Variants in SEPTIN10 observed in about 807,000 individuals in gnomAD.
The protein encoded by SEPTIN10 is septin 10.
SEPTIN10 carries 66 observed loss-of-function variants against 54.8 expected under a neutral mutation model. The ratio of observed to expected loss-of-function variants is 1.21; its 90% CI spans 0.99 to 1.48. The LOEUF is 1.48. SEPTIN10 is among the 40% of genes most tolerant of loss of function. SEPTIN10 has a pLI of 0.00. For missense variants in SEPTIN10, 620 were observed against 545.6 expected, an observed-to-expected ratio of 1.14 and a Z score of -1.36; for synonymous variants, 161 against 181.0, an observed-to-expected ratio of 0.89 and a Z score of 0.89.
At chr2:109,596,522 C>A (rs1044930448) in intron 1 of SEPTIN10, among the ~76,000 whole-genome samples, 7 of 151,744 alleles carry the variant, frequency 4.6e-5, no homozygotes, top group African/African-American at 7.3e-5. Context: ...GAGGCTGAGG[C>A]AGGAGAATGG....
intron 10 of SEPTIN10, chr2:109,545,837 C>T: frequency 1.4e-6 from 2 of 1,435,146 alleles, no homozygotes; most frequent in Non-Finnish European, 1.8e-6. Flanking sequence ...TTGGCAAATA[C>T]TGAACACATA....
chr2:109,575,298 A>G (rs985669912), intron 4 of SEPTIN10, among the ~76,000 whole-genome samples: 2 of 152,252 alleles, frequency 1.3e-5, no homozygotes, highest in African/African-American at 2.4e-5. Context: ...ATAGGCATCA[A>G]TAACTCAAAA....
At chr2:109,581,248 T>C (rs1341326575) in intron 4 of SEPTIN10, among the ~76,000 whole-genome samples, 1 of 152,136 alleles carries the variant, frequency 6.6e-6, no homozygotes. Context: ...AACACCAGCC[T>C]GACCAACATG....
chr2:109,572,656 G>A (rs995930740), intron 5 of SEPTIN10, among the ~76,000 whole-genome samples: 19 of 129,868 alleles, frequency 1.5e-4, no homozygotes, highest in Non-Finnish European at 1.5e-4. Context: ...TCGCTCTGTC[G>A]CCCAGGCTGG....
intron 1 of SEPTIN10, among the ~76,000 whole-genome samples, chr2:109,604,353 G>A (rs1573855524): frequency 1.1e-5 from 1 of 92,258 alleles, no homozygotes; most frequent in African/African-American, 4.8e-5. Flanking sequence ...AAGAAAGAAA[G>A]AAAAAGAAAG....
intron 1 of SEPTIN10, chr2:109,594,723 G>GCATGCACACACGCA (rs962689437): frequency 2.0e-5 from 3 of 152,190 alleles, no homozygotes; most frequent in East Asian, 1.9e-4. Flanking sequence ...GCACGCATGC[G>GCATGCACACACGCA]CATGCACACA....
intron 1 of SEPTIN10, among the ~76,000 whole-genome samples, chr2:109,598,036 T>C (rs892926321): frequency 6.6e-6 from 1 of 152,150 alleles, no homozygotes. Context: ...GGAAACAGAA[T>C]CCTGACTTAG....
intron 9 of SEPTIN10, among the ~76,000 whole-genome samples, chr2:109,550,687 A>C (rs758503209): frequency 5.3e-5 from 8 of 152,168 alleles, no homozygotes; most frequent in Non-Finnish European, 8.8e-5. Flanking sequence ...ACTTCCATCT[A>C]AACTCTGTGT....
chr2:109,608,827 T>C (rs569643724), intron 1 of SEPTIN10, among the ~76,000 whole-genome samples: 20 of 152,358 alleles, frequency 1.3e-4, no homozygotes, highest in Admixed American at 5.2e-4. Flanking sequence ...TTCCAGATAT[T>C]ATCAGAAGAA....
intron 2 of SEPTIN10, among the ~76,000 whole-genome samples, chr2:109,591,637 C>T (rs968797052): frequency 2.6e-5 from 4 of 152,222 alleles, no homozygotes; most frequent in Admixed American, 6.5e-5. Context: ...TGGCTCACGT[C>T]TGTAATCCAA....
At chr2:109,557,412 A>G (rs1020578053) in intron 8 of SEPTIN10, among the ~76,000 whole-genome samples, 2 of 152,208 alleles carry the variant, frequency 1.3e-5, no homozygotes, top group Admixed American at 1.3e-4. Context: ...AAGCCCTGAC[A>G]TTCTAAATAA....
At chr2:109,590,187 G>A (rs1290557687) in intron 2 of SEPTIN10, among the ~76,000 whole-genome samples, 2 of 151,896 alleles carry the variant, frequency 1.3e-5, no homozygotes, top group Non-Finnish European at 2.9e-5. Context: ...CCAGTCAGCA[G>A]TAGACTTACA....
chr2:109,582,802 A>C (rs1292427397), intron 4 of SEPTIN10, among the ~76,000 whole-genome samples: 2 of 152,262 alleles, frequency 1.3e-5, no homozygotes, highest in Non-Finnish European at 2.9e-5. Flanking sequence ...AGTAACCAAG[A>C]CAGCATGGTT....
intron 4 of SEPTIN10, among the ~76,000 whole-genome samples, chr2:109,581,809 T>C (rs898634072): frequency 1.3e-5 from 2 of 152,068 alleles, no homozygotes; most frequent in Admixed American, 1.3e-4. Flanking sequence ...ACACAGTACT[T>C]GAAAGTCCTG....
chr2:109,612,674 T>A (rs950760784), intron 1 of SEPTIN10, among the ~76,000 whole-genome samples: 4 of 152,196 alleles, frequency 2.6e-5, no homozygotes, highest in Non-Finnish European at 5.9e-5. Flanking sequence ...AAAGAATTTA[T>A]AAAACACATT....
chr2:109,591,079 A>G (rs1218236717), intron 2 of SEPTIN10, among the ~76,000 whole-genome samples: 1 of 152,240 alleles, frequency 6.6e-6, no homozygotes, highest in Non-Finnish European at 1.5e-5. Context: ...ACAGAAAACT[A>G]GTACACTATA....
chr2:109,572,735 G>C (rs1402854950), intron 5 of SEPTIN10, among the ~76,000 whole-genome samples: 3 of 149,004 alleles, frequency 2.0e-5, no homozygotes, highest in Admixed American at 1.4e-4. Context: ...TCCTGCCTCA[G>C]CCTCCTGAGT....
intron 1 of SEPTIN10, among the ~76,000 whole-genome samples, chr2:109,604,405 GAAAAGAAAGAAAGAA>G (rs1414390259): frequency 2.0e-4 from 27 of 134,370 alleles, no homozygotes; most frequent in East Asian, 9.9e-4. Context: ...GGGGCGGGGA[GAAAAGAAAGAAAGAA>G]AAAAGAAAGA....
At chr2:109,576,483 T>G (rs533531413) in intron 4 of SEPTIN10, among the ~76,000 whole-genome samples, 46 of 152,236 alleles carry the variant, frequency 3.0e-4, no homozygotes, top group African/African-American at 1.1e-3. Flanking sequence ...CAATTCATCA[T>G]CAAAGTGATT....
Sources: gnomAD v4.1 joint callset for allele counts (sites outside exome capture counted in the v4.1 genomes callset) on GRCh38, gnomAD v4.1.1 for gene constraint, MANE v1.5 for transcripts, NCBI Gene and HGNC (gene_info 2026-07-23, HGNC 2026-07-21) for gene names.